The following OSBPL6 variants were observed in gnomAD, a reference collection of about 807,000 sequenced individuals.
OSBPL6 encodes oxysterol binding protein like 6.
A neutral mutation model predicts 125.8 loss-of-function variants in OSBPL6; 49 were observed. That is an observed-to-expected ratio of 0.39 (90% CI 0.31 to 0.49). The LOEUF is 0.49. Among genes scored for constraint, OSBPL6 ranks in the 20% least tolerant of loss-of-function variants. The probability of loss-of-function intolerance (pLI) is 0.88; values close to 1 mark genes in which losing one functional copy is unlikely to be tolerated. For missense variants in OSBPL6, 986 were observed against 1,135.4 expected, an observed-to-expected ratio of 0.87 and a Z score of 1.89; for synonymous variants, 394 against 391.8, an observed-to-expected ratio of 1.01 and a Z score of -0.07.
intron 13 of OSBPL6, among the ~76,000 whole-genome samples, chr2:178,366,048 G>A (rs529360932): frequency 3.3e-5 from 5 of 152,172 alleles, no homozygotes; most frequent in African/African-American, 9.6e-5. Flanking sequence ...GAACCACCAC[G>A]TCCGGCTAAT....
At chr2:178,355,741 G>T (rs1574954521) in intron 12 of OSBPL6, among the ~76,000 whole-genome samples, 2 of 152,318 alleles carry the variant, frequency 1.3e-5, no homozygotes, top group African/African-American at 4.8e-5. Flanking sequence ...ATTTTATGAG[G>T]CCAGCATCAT....
chr2:178,387,225 G>T, intron 20 of OSBPL6, 86 bp downstream of exon 20: 1 of 1,085,384 alleles, frequency 9.2e-7, no homozygotes, highest in Non-Finnish European at 1.3e-6. Flanking sequence ...GATGGTAAGG[G>T]TTTCTTTCTC....
intron 2 of OSBPL6, among the ~76,000 whole-genome samples, chr2:178,302,537 C>CT (rs1485111454): frequency 6.6e-6 from 1 of 152,022 alleles, no homozygotes; most frequent in Non-Finnish European, 1.5e-5. Context: ...TTGGAATAAT[C>CT]TTTAAAGGGC....
At chr2:178,323,600 T>C (rs925599520) in intron 3 of OSBPL6, 7 of 152,358 alleles carry the variant, frequency 4.6e-5, no homozygotes, top group African/African-American at 1.4e-4. Flanking sequence ...GTAGCTGGAA[T>C]TGCAGGCTTC....
chr2:178,271,195 C>T (rs1420562675), intron 1 of OSBPL6, among the ~76,000 whole-genome samples: 1 of 152,090 alleles, frequency 6.6e-6, no homozygotes, highest in African/African-American at 2.4e-5. Context: ...TTCACTGTCT[C>T]GGCATTTTAA....
intron 1 of OSBPL6, among the ~76,000 whole-genome samples, chr2:178,217,305 G>A (rs1024668115): frequency 6.6e-6 from 1 of 152,136 alleles, no homozygotes; most frequent in Admixed American, 6.5e-5. Flanking sequence ...CTCAAGGAAG[G>A]ACCAAAGAAC....
chr2:178,269,958 A>G (rs866306157), intron 1 of OSBPL6, among the ~76,000 whole-genome samples: 3 of 152,210 alleles, frequency 2.0e-5, no homozygotes, highest in Non-Finnish European at 4.4e-5. Context: ...CTCTGTGCCG[A>G]TAACTCTTGC....
intron 1 of OSBPL6, among the ~76,000 whole-genome samples, chr2:178,220,442 G>A (rs2090290051): frequency 6.6e-6 from 1 of 151,990 alleles, no homozygotes; most frequent in African/African-American, 2.4e-5. Flanking sequence ...GACTTCAGAT[G>A]CACACCACCA....
In OSBPL6 at chr2:178,349,364, A is replaced by G. The variant is rs1390952213; in HGVS notation, c.1128A>G (p.Glu376=). The G allele has an allele frequency of 1.2e-6, 2 of 1,614,094 alleles. No individual in the cohort carries two copies. Among genetic ancestry groups the G allele is most frequent in the Non-Finnish European group, 1.7e-6 (2 of 1,180,034 alleles). Residue 376 remains glutamate (E), a synonymous_variant, in exon 12 of 25, where the codon GAA becomes GAG. Transcript: ENST00000190611. ...ESSTDYTKLQ[E]EFCLIAQKVH... ...CAACAGATTATACAAAGCTGCAAGAAGAATTTTGTCTAATCGCACAGAAAG... is the reference window on the plus strand; with the variant it reads ...CAACAGATTATACAAAGCTGCAAGAGGAATTTTGTCTAATCGCACAGAAAG...
intron 12 of OSBPL6, among the ~76,000 whole-genome samples, chr2:178,355,394 GATAAAGGGGATATCACCACC>G (rs1217361115): frequency 1.3e-5 from 2 of 152,102 alleles, no homozygotes; most frequent in Non-Finnish European, 2.9e-5. Context: ...AATAAAAAAT[GATAAAGGGGATATCACCACC>G]AAACCCACAG....
Position 178,299,588 on chromosome 2 carries a change from C to T in OSBPL6, c.-155-6442C>T, listed in dbSNP as rs1686091587. ...TTCGCTCCTTGTGGAGCAAAGTTAACCCATAAGCAGTGCATCCAGAGTAGC... is the reference window on the plus strand; with the variant it reads ...TTCGCTCCTTGTGGAGCAAAGTTAATCCATAAGCAGTGCATCCAGAGTAGC... On this transcript the variant is annotated intron_variant, in intron 2 of 24. Transcript: ENST00000190611. Among the ~76,000 whole-genome samples, 3 of 152,012 alleles carry T rather than the reference C, an allele frequency of 2.0e-5. No individual in the cohort carries two copies. The South Asian group carries it at 6.2e-4, about 32-fold the overall frequency.
At chr2:178,195,898 T>C (rs973322242) in intron 1 of OSBPL6, among the ~76,000 whole-genome samples, 13 of 152,278 alleles carry the variant, frequency 8.5e-5, no homozygotes, top group Admixed American at 2.0e-4. Flanking sequence ...GATTAGGAAA[T>C]GTAGTCTTCA....
intron 1 of OSBPL6, among the ~76,000 whole-genome samples, chr2:178,216,102 T>C (rs1038602756): frequency 2.0e-5 from 3 of 152,330 alleles, no homozygotes; most frequent in Admixed American, 6.5e-5. Flanking sequence ...AAAGATTCTT[T>C]TTTACATCTT....
Position 178,389,022 on chromosome 2 carries a change from T to C in OSBPL6, c.2170T>C (p.Tyr724His). ...NVMLPKYGDY[Y>H]VWNKVTTCIH... ...ATTCTTCACTAGGTATGGAGATTAC[T>C]ATGTGTGGAATAAAGTCACCACTTG... The change falls in exon 21 of 25, where the codon TAT becomes CAT. Residue 724 changes from tyrosine to histidine, a missense_variant. Tyr to His is a moderately conservative substitution (Grantham distance 83). Coordinates refer to ENST00000190611, the MANE Select transcript of OSBPL6 (RefSeq NM_032523.4). 1 of 1,613,916 alleles carries C rather than the reference T, an allele frequency of 6.2e-7. No homozygotes were observed. The highest frequency in any genetic ancestry group is 8.5e-7 in the Non-Finnish European group (1 of 1,179,962).
At chr2:178,371,076 C>G (rs1693336012) in intron 13 of OSBPL6, among the ~76,000 whole-genome samples, 1 of 152,202 alleles carries the variant, frequency 6.6e-6, no homozygotes, top group East Asian at 1.9e-4. Context: ...AAGCGGAATG[C>G]CCATTCCCTG....
chr2:178,212,280 T>C (rs1574496627), intron 1 of OSBPL6, among the ~76,000 whole-genome samples: 1 of 152,354 alleles, frequency 6.6e-6, no homozygotes, highest in East Asian at 1.9e-4. Flanking sequence ...AAATATGTCC[T>C]TTCCTGGAGC....
At chr2:178,263,259 A>C (rs2092119410) in intron 1 of OSBPL6, among the ~76,000 whole-genome samples, 1 of 152,222 alleles carries the variant, frequency 6.6e-6, no homozygotes, top group East Asian at 1.9e-4. Context: ...TGGGCGGATC[A>C]GCTGAGGTCA....
At chr2:178,295,753 A>G (rs1331329703) in intron 2 of OSBPL6, among the ~76,000 whole-genome samples, 1 of 151,966 alleles carries the variant, frequency 6.6e-6, no homozygotes, top group Non-Finnish European at 1.5e-5. Flanking sequence ...ATTGTAATAA[A>G]ACACAATTAT....
intron 1 of OSBPL6, among the ~76,000 whole-genome samples, chr2:178,249,695 A>G (rs540178187): frequency 1.3e-5 from 2 of 152,218 alleles, no homozygotes; most frequent in East Asian, 3.9e-4. Context: ...TTTAAGGCTC[A>G]TTTCTGCATC....
Sources: allele counts gnomAD v4.1 joint callset (sites outside exome capture counted in the v4.1 genomes callset), GRCh38; gene constraint gnomAD v4.1.1; transcripts MANE v1.5; gene names NCBI Gene and HGNC (gene_info 2026-07-23, HGNC 2026-07-21).